SIRPB1: variants seen among roughly 807,000 people sequenced by gnomAD.
The protein encoded by SIRPB1 is signal regulatory protein beta 1.
A neutral mutation model predicts 34.1 loss-of-function variants in SIRPB1; 28 were observed. The ratio of observed to expected loss-of-function variants is 0.82; its 90% CI spans 0.61 to 1.12. The LOEUF (loss-of-function observed/expected upper bound fraction) is 1.12. Ranked by LOEUF, SIRPB1 falls within the 50% of genes most tolerant of loss-of-function variation. SIRPB1 has a pLI of 0.00. For synonymous variants in SIRPB1, 211 were observed against 203.8 expected, an observed-to-expected ratio of 1.04 and a Z score of -0.30; for missense variants, 499 against 507.0, an observed-to-expected ratio of 0.98 and a Z score of 0.15.
Position 1,578,419 on chromosome 20 carries a change from A to G in SIRPB1, c.352T>C (p.Tyr118His). The G allele has an allele frequency of 6.3e-7, 1 of 1,585,416 alleles. No individual in the cohort carries two copies. The highest frequency in any genetic ancestry group is 8.6e-7 in the Non-Finnish European group (1 of 1,158,778). The change falls in exon 2 of 6, where the codon TAC (tyrosine) becomes CAC (histidine). Residue 118 changes from tyrosine (Y) to histidine (H), a missense_variant. Coordinates refer to ENST00000381605, the MANE Select transcript of SIRPB1 (RefSeq NM_006065.5). ...CCTTTCCGGAACTTCACACAGTAGT[A>G]GGTGCCGGCGTCTGCTGGGGTGATG... is the stretch of plus-strand genomic sequence containing the variant. ...SNITPADAGT[Y>H]YCVKFRKGSP...
chr20:1,577,914 T>C (rs1488023397), intron 2 of SIRPB1, among the ~76,000 whole-genome samples: 1 of 147,944 alleles, frequency 6.8e-6, no homozygotes, highest in Non-Finnish European at 1.5e-5. Flanking sequence ...GGGCAGAGCC[T>C]GGCACACAGT....
chr20:1,566,108 C>A, intron 5 of SIRPB1, 45 bp downstream of exon 5: 1 of 1,343,408 alleles, frequency 7.4e-7, no homozygotes, highest in South Asian at 1.2e-5. Flanking sequence ...CTGGCCTTGC[C>A]TTTCTGGAGG....
At position 1,571,005 on chromosome 20, in the gene SIRPB1, G is replaced by T. The variant is rs757996346; in HGVS notation, c.884C>A (p.Thr295Lys). 1.9e-6 allele frequency: 3 copies of T among 1,614,200 alleles called. No individual in the cohort carries two copies. Among genetic ancestry groups the T allele is most frequent in the Non-Finnish European group, 2.5e-6 (3 of 1,180,026 alleles). The change falls in exon 4 of 6, where the codon ACA becomes AAA. Residue 295 changes from threonine (T) to lysine (K), a missense_variant. Physicochemically the swap from Thr to Lys is moderately conservative, Grantham distance 78. Transcript: ENST00000381605. Reference protein sequence around the residue: ...TWLENGNVSRTETASTLIENK... With the variant: ...TWLENGNVSRKETASTLIENK... ...CTCTATGAGGGTCGAAGCTGTTTCT[G>T]TCCGGGACACATTTCCATTCTCCAA... is the stretch of plus-strand genomic sequence containing the variant.
chr20:1,579,434 C>A (rs538926002), intron 1 of SIRPB1, among the ~76,000 whole-genome samples: 1 of 148,176 alleles, frequency 6.7e-6, no homozygotes, highest in African/African-American at 2.4e-5. Flanking sequence ...GAGTTATGAG[C>A]AGAATGATGG....
In SIRPB1 at chr20:1,613,250, T is replaced by C. The variant is rs1435157455; in HGVS notation, c.76+6619A>G. Among the ~76,000 whole-genome samples the C allele has an allele frequency of 2.7e-4, 20 of 74,166 alleles. 7 individuals are homozygous for C. The highest frequency in any genetic ancestry group is 1.6e-3 in the African/African-American group (20 of 12,658). 48.7% of individuals were successfully genotyped at this position (74,166 alleles called of 152,430 possible). On this transcript the variant is annotated intron_variant, in intron 1 of 5. Coordinates refer to ENST00000381605, the MANE Select transcript of SIRPB1 (RefSeq NM_006065.5). ...CTCTGTTTTTTGCCTTTTCAAATTC[T>C]AGAGTTTTCTCACATTCCTTTCTCA...
chr20:1,599,013 T>G, intron 1 of SIRPB1: 1 of 250,704 alleles, frequency 4.0e-6, no homozygotes, highest in Non-Finnish European at 6.9e-6. Context: ...TTACCCCACC[T>G]GAGGCTACCT....
In SIRPB1 at chr20:1,587,276, CTG is replaced by C. The variant is rs2091427350; in HGVS notation, c.77-8584_77-8583del. Among the ~76,000 whole-genome samples the C allele has an allele frequency of 4.0e-5, 2 of 49,552 alleles. 1 individual carries two copies. Among genetic ancestry groups the C allele is most frequent in the Admixed American group, 2.7e-4 (2 of 7,468 alleles). The allele number at this position is 49,552 out of a possible 152,430, so 32.5% of individuals were successfully genotyped here. On this transcript the variant is annotated intron_variant, in intron 1 of 5. Transcript: ENST00000381605. ...TTGCGTTATAGGAAGATCTCAATTG[CTG>C]AACTATTACTGCTGTCATTTGAATA...
chr20:1,617,096 G>A (rs1023115332), intron 1 of SIRPB1, among the ~76,000 whole-genome samples: 3 of 152,190 alleles, frequency 2.0e-5, no homozygotes, highest in Non-Finnish European at 4.4e-5. Flanking sequence ...TAGTGGGAAT[G>A]TAAATTAGTA....
In SIRPB1 at chr20:1,601,682, G is replaced by C. The variant is rs1438030287; in HGVS notation, c.76+18187C>G. On this transcript the variant is annotated intron_variant, in intron 1 of 5. Transcript: ENST00000381605. ...CAGCACACTGAAAGCACCCAAAAAT[G>C]GCAGCCCTGGTCGGAGCTCTAGTGA... 4.1e-5 allele frequency among the ~76,000 whole-genome samples: 2 copies of C among 49,320 alleles called. 1 individual carries two copies. Among genetic ancestry groups the C allele is most frequent in the African/African-American group, 2.7e-4 (2 of 7,474 alleles). 32.4% of individuals were successfully genotyped at this position (49,320 alleles called of 152,430 possible).
intron 1 of SIRPB1, among the ~76,000 whole-genome samples, chr20:1,609,992 A>G (rs2091548976): frequency 1.4e-5 from 1 of 72,826 alleles, no homozygotes; most frequent in Non-Finnish European, 2.6e-5. Flanking sequence ...AATAACTTAC[A>G]TATCCATCAA....
At position 1,578,439 on chromosome 20, in the gene SIRPB1, G is replaced by T. The variant is rs747509420; in HGVS notation, c.332C>A (p.Thr111Asn). ...GTAGTAGGTGCCGGCGTCTGCTGGG[G>T]TGATGTTACTGATGCTGATGGAAAA... ...LDFSISISNI[T>N]PADAGTYYCV... The change falls in exon 2 of 6, where the codon ACC becomes AAC. Residue 111 changes from threonine to asparagine, a missense_variant. Coordinates refer to ENST00000381605, the MANE Select transcript of SIRPB1 (RefSeq NM_006065.5). 1.5e-5 allele frequency: 23 copies of T among 1,584,752 alleles called. No individual in the cohort carries two copies. The African/African-American group carries it at 2.8e-4, about 20-fold the overall frequency.
At position 1,611,574 on chromosome 20, in the gene SIRPB1, T is replaced by C. The variant is rs780313603; in HGVS notation, c.76+8295A>G. ...GATTGTAGATTAATTCCCGGCCTGG[T>C]CCAGCTCCTCTGAACCACTGGATGG... On this transcript the variant is annotated intron_variant, in intron 1 of 5. Coordinates refer to ENST00000381605, the MANE Select transcript of SIRPB1 (RefSeq NM_006065.5). The C allele has an allele frequency of 4.4e-6, 5 of 1,135,726 alleles. 2 individuals are homozygous for C. The South Asian group carries it at 6.2e-5, about 14-fold the overall frequency. The allele number at this position is 1,135,726 out of a possible 1,614,324, so 70.4% of individuals were successfully genotyped here. A position where few individuals can be genotyped will look rare whatever the true frequency, so the allele number is the denominator to read the frequency against.
intron 4 of SIRPB1, among the ~76,000 whole-genome samples, chr20:1,567,096 A>ATTT (rs1156498811): frequency 1.2e-4 from 18 of 152,090 alleles, no homozygotes; most frequent in Non-Finnish European, 2.1e-4. Flanking sequence ...ATTAAAAAAA[A>ATTT]TTTTTTTTAA....
chr20:1,564,691 G>T lies in SIRPB1; in HGVS notation c.*809C>A. ...TAAATTTCAGGAATCTTGCAATCTG[G>T]TTGTTTAACTGTTGGCAGTGTGAAA... On this transcript the variant is annotated 3_prime_UTR_variant, in exon 6 of 6. Transcript: ENST00000381605. 2.6e-6 allele frequency: 1 copy of T among 383,468 alleles called. No individual in the cohort carries two copies. Among genetic ancestry groups the T allele is most frequent in the Admixed American group, 4.5e-5 (1 of 22,238 alleles). 23.8% of individuals were successfully genotyped at this position (383,468 alleles called of 1,614,324 possible). A position where few individuals can be genotyped will look rare whatever the true frequency, so the allele number is the denominator to read the frequency against.
chr20:1,590,884 C>A lies in SIRPB1; in HGVS notation c.77-12190G>T, dbSNP rs1442458917. On this transcript the variant is annotated intron_variant, in intron 1 of 5. Coordinates refer to ENST00000381605, the MANE Select transcript of SIRPB1 (RefSeq NM_006065.5). ...AGCAGCACCATGAGAGATAGCTAAC[C>A]AATTCAAGAAAAACAATAACTCAAA... 4.2e-5 allele frequency among the ~76,000 whole-genome samples: 2 copies of A among 47,488 alleles called. 1 individual carries two copies. The highest frequency in any genetic ancestry group is 7.9e-5 in the Non-Finnish European group (2 of 25,428). 31.2% of individuals were successfully genotyped at this position (47,488 alleles called of 152,430 possible). A position where few individuals can be genotyped will look rare whatever the true frequency, so the allele number is the denominator to read the frequency against.
In SIRPB1 at chr20:1,613,703, A is replaced by G. The variant is rs59460791; in HGVS notation, c.76+6166T>C. ...GACTGAGGTATTGGTGGAAAATAGAATAAAGTATAGAGCACAGAATCTAAG... is the reference window on the plus strand; with the variant it reads ...GACTGAGGTATTGGTGGAAAATAGAGTAAAGTATAGAGCACAGAATCTAAG... On this transcript the variant is annotated intron_variant, in intron 1 of 5. Transcript: ENST00000381605. Among the ~76,000 whole-genome samples, 832 of 152,334 alleles carry G rather than the reference A, an allele frequency of 5.5e-3. 10 individuals are homozygous for G. The highest frequency in any genetic ancestry group is 0.019 in the African/African-American group (793 of 41,564).
At chr20:1,569,373 T>C (rs1204965482) in intron 4 of SIRPB1, among the ~76,000 whole-genome samples, 1 of 152,266 alleles carries the variant, frequency 6.6e-6, no homozygotes, top group Non-Finnish European at 1.5e-5. Context: ...TTATGAAATT[T>C]AGTGATTTGA....
Position 1,588,511 on chromosome 20 carries a change from A to G in SIRPB1, c.77-9817T>C. 5.5e-6 allele frequency: 3 copies of G among 547,798 alleles called. 1 individual carries two copies. Among genetic ancestry groups the G allele is most frequent in the Non-Finnish European group, 7.2e-6 (3 of 416,570 alleles). 33.9% of individuals were successfully genotyped at this position (547,798 alleles called of 1,614,324 possible). Reference sequence around the variant, plus strand: ...ATCCCCAAAGGTCCAGGGACAGGATATAGCCCTGCCAGCGGAGAGAAAGGG... The same window carrying G: ...ATCCCCAAAGGTCCAGGGACAGGATGTAGCCCTGCCAGCGGAGAGAAAGGG... On this transcript the variant is annotated intron_variant, in intron 1 of 5. Transcript: ENST00000381605.
chr20:1,613,877 T>A (rs2091593058), intron 1 of SIRPB1, among the ~76,000 whole-genome samples: 1 of 152,172 alleles, frequency 6.6e-6, no homozygotes. Flanking sequence ...GGAATCTACC[T>A]ATTAAGACAC....
Sources: allele counts gnomAD v4.1 joint callset (sites outside exome capture counted in the v4.1 genomes callset), GRCh38; gene constraint gnomAD v4.1.1; transcripts MANE v1.5; gene names NCBI Gene and HGNC (gene_info 2026-07-23, HGNC 2026-07-21).